The following COL14A1 variants were observed in gnomAD, a reference collection of about 807,000 sequenced individuals.
The protein encoded by COL14A1 is collagen type XIV alpha 1 chain, also known as collagen alpha-1(XIV) chain.
A neutral mutation model predicts 230.3 loss-of-function variants in COL14A1; 136 were observed. The ratio of observed to expected loss-of-function variants is 0.59; its 90% CI spans 0.51 to 0.68. The LOEUF (loss-of-function observed/expected upper bound fraction) is 0.68. Ranked by LOEUF, COL14A1 falls within the 30% of genes least tolerant of loss-of-function variation. The probability of loss-of-function intolerance (pLI) is 0.00; values close to 1 mark genes in which losing one functional copy is unlikely to be tolerated. For synonymous variants in COL14A1, 792 were observed against 784.1 expected (o/e 1.01, Z -0.17); for missense variants, 1,976 against 2,215.8 (o/e 0.89, Z 2.17).
At chr8:120,136,597 A>G (rs991548336) in intron 1 of COL14A1, among the ~76,000 whole-genome samples, 4 of 152,040 alleles carry the variant, frequency 2.6e-5, no homozygotes, top group African/African-American at 4.8e-5. Context: ...TTTGTGAAAG[A>G]TTTTTATATC....
At chr8:120,235,134 G>T (rs1199475445) in intron 19 of COL14A1, among the ~76,000 whole-genome samples, 2 of 152,100 alleles carry the variant, frequency 1.3e-5, no homozygotes, top group South Asian at 4.1e-4. Context: ...ATGGTAGTTT[G>T]TATTTCTGTG....
intron 8 of COL14A1, among the ~76,000 whole-genome samples, chr8:120,199,790 G>A (rs558085174): frequency 2.0e-5 from 3 of 151,478 alleles, no homozygotes; most frequent in African/African-American, 4.9e-5. Context: ...ATTTCTAAGT[G>A]AGGTGTCATA....
chr8:120,296,697 C>G (rs1348433533), intron 34 of COL14A1, among the ~76,000 whole-genome samples: 1 of 151,816 alleles, frequency 6.6e-6, no homozygotes, highest in African/African-American at 2.4e-5. Context: ...AGTGTTAGCC[C>G]TTAATGATGT....
At chr8:120,194,140 G>A (rs543723378) in intron 5 of COL14A1, among the ~76,000 whole-genome samples, 28 of 152,304 alleles carry the variant, frequency 1.8e-4, no homozygotes, top group South Asian at 1.2e-3. Context: ...TGTCTTCTGC[G>A]TCACTCACAC....
rs531288893 is a variant in COL14A1, at chr8:120,269,995, TC to T, written c.3074-36del. 2.6e-4 allele frequency: 415 copies of T among 1,607,114 alleles called. No individual in the cohort carries two copies. In the African/African-American group the frequency reaches 5.1e-3, roughly 20 times the overall value. ...TATTGGTTTAATAACTACTAACTTTTCCCCTTATCTCTGACTCAAAATTCAT... is the reference window on the plus strand; with the variant it reads ...TATTGGTTTAATAACTACTAACTTTTCCCTTATCTCTGACTCAAAATTCAT... On this transcript the variant is annotated intron_variant, in intron 25 of 47. Transcript: ENST00000297848.
intron 5 of COL14A1, among the ~76,000 whole-genome samples, chr8:120,185,620 C>T (rs373126246): frequency 3.3e-5 from 5 of 152,030 alleles, no homozygotes; most frequent in Non-Finnish European, 7.4e-5. Context: ...GCTAGTATTG[C>T]GCCACTGCAC....
intron 45 of COL14A1, among the ~76,000 whole-genome samples, chr8:120,357,328 G>A (rs1823023526): frequency 6.6e-6 from 1 of 152,104 alleles, no homozygotes; most frequent in Admixed American, 6.5e-5. Context: ...TTGGCAGGAG[G>A]GCTCAGTTCC....
At chr8:120,322,126 A>G (rs1042414269) in intron 40 of COL14A1, among the ~76,000 whole-genome samples, 1 of 150,566 alleles carries the variant, frequency 6.6e-6, no homozygotes, top group African/African-American at 2.4e-5. Flanking sequence ...TATTAAAAAT[A>G]GTATATGTGG....
intron 26 of COL14A1, among the ~76,000 whole-genome samples, chr8:120,275,710 G>A (rs1819817592): frequency 6.6e-6 from 1 of 151,846 alleles, no homozygotes; most frequent in African/African-American, 2.4e-5. Context: ...TACACAAATG[G>A]CCCACAAACA....
chr8:120,125,539 G>T (rs961504239), intron 1 of COL14A1, among the ~76,000 whole-genome samples, 199 bp downstream of exon 1: 1 of 152,152 alleles, frequency 6.6e-6, no homozygotes, highest in Non-Finnish European at 1.5e-5. Flanking sequence ...CGGGGTTCAC[G>T]GTGTAGGGAG....
chr8:120,342,495 C>T (rs943527031), intron 44 of COL14A1, 49 bp downstream of exon 44: 30 of 1,545,806 alleles, frequency 1.9e-5, no homozygotes, highest in Non-Finnish European at 2.7e-5. Flanking sequence ...AAACTCTCAT[C>T]CAAAAGAGAG....
intron 1 of COL14A1, among the ~76,000 whole-genome samples, chr8:120,145,248 A>G (rs182141388): frequency 6.6e-6 from 1 of 152,298 alleles, no homozygotes; most frequent in Non-Finnish European, 1.5e-5. Context: ...TGGTGTTCAT[A>G]TGAGATGCAG....
chr8:120,269,188 G>A (rs1389929266), intron 25 of COL14A1, among the ~76,000 whole-genome samples: 2 of 151,856 alleles, frequency 1.3e-5, no homozygotes, highest in Non-Finnish European at 1.5e-5. Flanking sequence ...GACTATTGAA[G>A]AGCAAATTGT....
chr8:120,208,531 T>C (rs1402749160), intron 11 of COL14A1, among the ~76,000 whole-genome samples, 170 bp downstream of exon 11: 2 of 152,200 alleles, frequency 1.3e-5, no homozygotes, highest in African/African-American at 2.4e-5. Flanking sequence ...ATGCTTGATA[T>C]AGTCTTGCCG....
At position 120,203,828 on chromosome 8, in the gene COL14A1, ACT is replaced by A. The variant is rs1198277832; in HGVS notation, c.1002_1003del (p.Cys335LeufsTer2). ...CACAGTTGTGGAGAGTCTGACCAGG[ACT>A]CTCTGCTCTAGAGTGGAAGAACAGG... ...MHTVVESLTR[T>X]LCSRVEEQDR... On this transcript the variant is annotated frameshift_variant, in exon 9 of 48. Transcript: ENST00000297848. LOFTEE classifies it high-confidence loss of function. 6 of 1,613,702 alleles carry A rather than the reference ACT, an allele frequency of 3.7e-6. No homozygotes were observed. Among genetic ancestry groups the A allele is most frequent in the Non-Finnish European group, 5.1e-6 (6 of 1,179,898 alleles).
chr8:120,227,248 A>G lies in COL14A1; in HGVS notation c.2033A>G (p.His678Arg). 1.2e-6 allele frequency: 2 copies of G among 1,614,014 alleles called. No homozygotes were observed. Among genetic ancestry groups the G allele is most frequent in the Non-Finnish European group, 1.7e-6 (2 of 1,179,972 alleles). The change falls in exon 17 of 48, where the codon CAT becomes CGT. Residue 678 changes from histidine to arginine, a missense_variant. By Grantham distance (29) the His-to-Arg change is conservative. Transcript: ENST00000297848. ...GTCCTGAAAGAAGAGCAGGACTCAC[A>G]TGTTATTGAAGGCCTGGAGCCCGGT... ...EVVLKEEQDS[H>R]VIEGLEPGTE...
At chr8:120,152,326 G>A (rs1437724512) in intron 2 of COL14A1, among the ~76,000 whole-genome samples, 1 of 151,804 alleles carries the variant, frequency 6.6e-6, no homozygotes, top group Non-Finnish European at 1.5e-5. Flanking sequence ...AGCCGGGCGT[G>A]GTGGCGGGCG....
In COL14A1 at chr8:120,262,910, G is replaced by C; in HGVS notation, c.2912G>C (p.Arg971Thr). 1.2e-6 allele frequency: 2 copies of C among 1,613,518 alleles called. No individual in the cohort carries two copies. The highest frequency in any genetic ancestry group is 2.2e-5 in the South Asian group (2 of 90,962). ...QESTVGGGTT[R>T]HCFYGLQPDS... ...TCCACTGTGGGTGGAGGGACAACCAGGCATTGCTTCTATGGACTTCAGCCT... is the reference window on the plus strand; with the variant it reads ...TCCACTGTGGGTGGAGGGACAACCACGCATTGCTTCTATGGACTTCAGCCT... The change falls in exon 24 of 48, where the codon AGG becomes ACG. Residue 971 changes from arginine (R) to threonine (T), a missense_variant. Coordinates refer to ENST00000297848, the MANE Select transcript of COL14A1 (RefSeq NM_021110.4).
At chr8:120,238,987 T>C (rs1818537214) in intron 19 of COL14A1, among the ~76,000 whole-genome samples, 1 of 152,126 alleles carries the variant, frequency 6.6e-6, no homozygotes, top group African/African-American at 2.4e-5. Context: ...CAGTTGGAAA[T>C]ACAGAAATCA....
Sources: gnomAD v4.1 joint callset for allele counts (sites outside exome capture counted in the v4.1 genomes callset) on GRCh38, gnomAD v4.1.1 for gene constraint, MANE v1.5 for transcripts, NCBI Gene and HGNC (gene_info 2026-07-23, HGNC 2026-07-21) for gene names.